TEF: variants seen among roughly 807,000 people sequenced by gnomAD.
TEF encodes TEF transcription factor, PAR bZIP family member.
TEF carries 3 observed loss-of-function variants against 20.8 expected under a neutral mutation model. That is an observed-to-expected ratio of 0.14 (90% CI 0.07 to 0.37). TEF has a LOEUF of 0.37. Ranked by LOEUF, TEF falls within the 10% of genes least tolerant of loss-of-function variation. TEF has a pLI of 1.00. For missense variants in TEF, 296 were observed against 397.9 expected (o/e 0.74, Z 2.18); for synonymous variants, 180 against 171.1 (o/e 1.05, Z -0.41).
chr22:41,379,922 A>G (rs2036994670), upstream of TEF, among the ~76,000 whole-genome samples: 1 of 134,064 alleles, frequency 7.5e-6, no homozygotes, highest in Admixed American at 8.4e-5. Flanking sequence ...AAAAGAAAAG[A>G]AAAGAAAAGA....
chr22:41,379,175 G>A (rs1406164744), upstream of TEF, among the ~76,000 whole-genome samples: 1 of 151,294 alleles, frequency 6.6e-6, no homozygotes, highest in East Asian at 2.0e-4. Context: ...CGTCTCTATA[G>A]AAAATACAAA....
At position 41,396,659 on chromosome 22, in the gene TEF, C is replaced by G; in HGVS notation, c.*699C>G. 3.1e-6 allele frequency: 1 copy of G among 324,554 alleles called. No individual in the cohort carries two copies. Among genetic ancestry groups the G allele is most frequent in the Non-Finnish European group, 5.6e-6 (1 of 179,434 alleles). 20.1% of individuals were successfully genotyped at this position (324,554 alleles called of 1,614,324 possible). A position where few individuals can be genotyped will look rare whatever the true frequency, so the allele number is the denominator to read the frequency against. ...ATCGGCTGTCTCTGCATTTCATTGG[C>G]TGTGGAGGAGAGACTCCTAGGATGG... On this transcript the variant is annotated 3_prime_UTR_variant, in exon 4 of 4. Transcript: ENST00000266304.
At chr22:41,390,871 C>T (rs1569257549) in intron 2 of TEF, among the ~76,000 whole-genome samples, 1 of 152,144 alleles carries the variant, frequency 6.6e-6, no homozygotes, top group African/African-American at 2.4e-5. Flanking sequence ...GTCCCCAGGC[C>T]TCTTTGCAAA....
chr22:41,369,366 T>C (rs777747486), intron 1 of TEF: 47 of 613,108 alleles, frequency 7.7e-5, no homozygotes, highest in Non-Finnish European at 8.0e-5. Context: ...GAGAATTAGT[T>C]AGTCCAGCAT....
chr22:41,369,614 T>C (rs2036857258), intron 1 of TEF, among the ~76,000 whole-genome samples: 1 of 152,136 alleles, frequency 6.6e-6, no homozygotes, highest in Admixed American at 6.5e-5. Flanking sequence ...CTCCAGACCA[T>C]TTATAAACAG....
chr22:41,378,456 C>G (rs946890570), upstream of TEF, among the ~76,000 whole-genome samples: 3 of 151,488 alleles, frequency 2.0e-5, no homozygotes, highest in African/African-American at 7.3e-5. Flanking sequence ...CGCCATTCTC[C>G]TGCTTCAACC....
rs1697201885 is a variant in TEF at position 41,398,773 on chromosome 22, CT to C, written c.*2816del. 6.6e-6 allele frequency: 1 copy of C among 152,290 alleles called. No homozygotes were observed. Among genetic ancestry groups the C allele is most frequent in the Non-Finnish European group, 1.5e-5 (1 of 68,066 alleles). 9.4% of individuals were successfully genotyped at this position (152,290 alleles called of 1,614,324 possible). On this transcript the variant is annotated 3_prime_UTR_variant, in exon 4 of 4. Transcript: ENST00000266304. ...GGCTGTGCAGGCCGCTCCTACGGTC[CT>C]TTGGCCTGAGGCAGGGCGGGAGGCA... is the stretch of plus-strand genomic sequence containing the variant.
intron 2 of TEF, among the ~76,000 whole-genome samples, chr22:41,392,727 T>A (rs1251376865): frequency 7.1e-6 from 1 of 140,270 alleles, no homozygotes; most frequent in East Asian, 2.1e-4. Context: ...GTAACAGACA[T>A]GTCTCAGGGA....
intron 1 of TEF, chr22:41,370,023 A>C (rs1469934594): frequency 1.0e-6 from 1 of 985,238 alleles, no homozygotes; most frequent in African/African-American, 1.7e-5. Flanking sequence ...AGTGTACAGG[A>C]AAGTCTGCGG....
chr22:41,397,001 C>G lies in TEF; in HGVS notation c.*1041C>G. On this transcript the variant is annotated 3_prime_UTR_variant, in exon 4 of 4. Transcript: ENST00000266304. ...GCTCCCTTTTTTCTTGCTCTGCTCA[C>G]CGGTGTGGCCTGGGCTGGAGTGCAC... The G allele has an allele frequency of 2.5e-6, 1 of 398,794 alleles. No individual in the cohort carries two copies. The highest frequency in any genetic ancestry group is 1.3e-4 in the South Asian group (1 of 7,864). The allele number at this position is 398,794 out of a possible 1,614,324, so 24.7% of individuals were successfully genotyped here.
At chr22:41,371,497 C>G (rs924489963) in intron 1 of TEF, among the ~76,000 whole-genome samples, 1 of 136,376 alleles carries the variant, frequency 7.3e-6, no homozygotes, top group African/African-American at 3.3e-5. Context: ...ACTTGCCCCC[C>G]TCTCTCTCCA....
intron 2 of TEF, among the ~76,000 whole-genome samples, chr22:41,392,067 T>G (rs568010197): frequency 3.0e-4 from 45 of 152,356 alleles, no homozygotes; most frequent in African/African-American, 9.9e-4. Context: ...TAACAGGTAT[T>G]CAATAAGTAT....
At chr22:41,376,726 C>T (rs1264863607) in intron 1 of TEF, among the ~76,000 whole-genome samples, 7 of 152,184 alleles carry the variant, frequency 4.6e-5, no homozygotes, top group African/African-American at 1.2e-4. Context: ...ACAGCTTGAA[C>T]GGAAGGGGAA....
upstream of TEF, among the ~76,000 whole-genome samples, chr22:41,379,854 T>C (rs1327795757): frequency 4.8e-5 from 7 of 146,860 alleles, no homozygotes; most frequent in East Asian, 1.0e-3. Context: ...GATCGCGCCA[T>C]TGCACTCCAG....
At chr22:41,372,690 G>A (rs1194868231) in intron 1 of TEF, among the ~76,000 whole-genome samples, 1 of 152,084 alleles carries the variant, frequency 6.6e-6, no homozygotes, top group Non-Finnish European at 1.5e-5. Context: ...AGAGCCCGGG[G>A]TGAATGAAAC....
Position 41,382,325 on chromosome 22 carries a change from C to A in TEF, c.157+124C>A, listed in dbSNP as rs371656196. ...AGTGGTCCAGCGGAGGGGGATGGGGCCTGGATGACCAGGAGCCTGGAGGAC... is the reference window on the plus strand; with the variant it reads ...AGTGGTCCAGCGGAGGGGGATGGGGACTGGATGACCAGGAGCCTGGAGGAC... On this transcript the variant is annotated intron_variant, in intron 1 of 3. Transcript: ENST00000266304. 1.2e-3 allele frequency: 1,089 copies of A among 886,378 alleles called. 11 individuals are homozygous for A. The African/African-American group carries it at 0.017, about 14-fold the overall frequency. 54.9% of individuals were successfully genotyped at this position (886,378 alleles called of 1,614,324 possible). A position where few individuals can be genotyped will look rare whatever the true frequency, so the allele number is the denominator to read the frequency against.
Position 41,398,994 on chromosome 22 carries a change from G to A in TEF, c.*3034G>A, listed in dbSNP as rs1237695651. 1 of 152,680 alleles carries A rather than the reference G, an allele frequency of 6.5e-6. No homozygotes were observed. Among genetic ancestry groups the A allele is most frequent in the Non-Finnish European group, 1.5e-5 (1 of 68,062 alleles). The allele number at this position is 152,680 out of a possible 1,614,324, so 9.5% of individuals were successfully genotyped here. The stretch of plus-strand genomic sequence containing the variant: ...AAAATGGCAAAGATGACTTCCAGGT[G>A]GATATTGCTCTCTTACGGTGTTGGG... On this transcript the variant is annotated 3_prime_UTR_variant, in exon 4 of 4. Transcript: ENST00000266304.
chr22:41,372,765 G>A (rs1601810545), intron 1 of TEF, among the ~76,000 whole-genome samples: 1 of 152,204 alleles, frequency 6.6e-6, no homozygotes, highest in South Asian at 2.1e-4. Flanking sequence ...CTGTGTTTAG[G>A]CAGGAGGCGG....
chr22:41,379,761 C>T (rs1368361264), upstream of TEF, among the ~76,000 whole-genome samples: 2 of 149,982 alleles, frequency 1.3e-5, no homozygotes, highest in Non-Finnish European at 3.0e-5. Context: ...GGCGTGGTGA[C>T]GCATGCCTGT....
Sources: gnomAD v4.1 joint callset for allele counts (sites outside exome capture counted in the v4.1 genomes callset) on GRCh38, gnomAD v4.1.1 for gene constraint, MANE v1.5 for transcripts, NCBI Gene and HGNC (gene_info 2026-07-23, HGNC 2026-07-21) for gene names.